Variants in SLC15A5 observed in about 807,000 individuals in gnomAD.
SLC15A5 encodes Peptide/histidine transporter ENSP00000340402.
Under a neutral mutation model 56.1 loss-of-function variants are expected in SLC15A5, and 58 were observed. That is an observed-to-expected ratio of 1.03 (90% CI 0.84 to 1.29). The LOEUF (loss-of-function observed/expected upper bound fraction) is 1.29. SLC15A5 is among the 50% of genes most tolerant of loss of function. The pLI is 0.00. For synonymous variants in SLC15A5, 264 were observed against 250.5 expected, an observed-to-expected ratio of 1.05 and a Z score of -0.51; for missense variants, 681 against 672.1, an observed-to-expected ratio of 1.01 and a Z score of -0.15.
rs111967344 is a variant in SLC15A5, at chr12:16,189,688, G to A, written c.1720C>T (p.Leu574Phe). The A allele has an allele frequency of 0.015, 22,296 of 1,522,410 alleles. 354 individuals carry two copies. Among genetic ancestry groups the A allele is most frequent in the South Asian group, 0.061 (4,911 of 80,828 alleles). 94.3% of individuals were successfully genotyped at this position (1,522,410 alleles called of 1,614,324 possible). The stretch of plus-strand genomic sequence containing the variant: ...CAGTTTCATAGGGCTGTCTCCCAAA[G>A]ATCAATACTTGAAGAAAATTCCTGT... ...SIQEFSSSID[L>F]WETAL Residue 574 changes from leucine to phenylalanine, a missense_variant, in exon 9 of 9, where the codon CTT becomes TTT. Transcript: ENST00000344941.
At chr12:16,255,364 A>G (rs1864560905) in intron 3 of SLC15A5, among the ~76,000 whole-genome samples, 1 of 152,136 alleles carries the variant, frequency 6.6e-6, no homozygotes, top group Non-Finnish European at 1.5e-5. Context: ...TCTCAAAATA[A>G]GAAAAATGCA....
intron 4 of SLC15A5, among the ~76,000 whole-genome samples, chr12:16,244,044 C>G (rs1447110581): frequency 6.6e-6 from 1 of 152,100 alleles, no homozygotes; most frequent in African/African-American, 2.4e-5. Context: ...GTACTTTGGG[C>G]TTTGTATTTT....
intron 7 of SLC15A5, among the ~76,000 whole-genome samples, chr12:16,209,117 CA>C (rs1222646941): frequency 6.6e-6 from 1 of 150,958 alleles, no homozygotes; most frequent in Admixed American, 6.6e-5. Flanking sequence ...TATCAGTGAT[CA>C]TAGTGTTGCT....
chr12:16,207,757 G>A (rs555156171), intron 7 of SLC15A5, among the ~76,000 whole-genome samples: 53 of 151,912 alleles, frequency 3.5e-4, no homozygotes, highest in African/African-American at 1.2e-3. Context: ...GGGTTCAAGC[G>A]ATTCTTCTGT....
chr12:16,209,640 C>G (rs575560692), intron 7 of SLC15A5, among the ~76,000 whole-genome samples: 92 of 152,186 alleles, frequency 6.0e-4, no homozygotes, highest in African/African-American at 2.1e-3. Context: ...CTTTGCCCAC[C>G]CAGTAGCTCA....
At chr12:16,276,345 T>C (rs904344272) in intron 1 of SLC15A5, among the ~76,000 whole-genome samples, 12 of 152,088 alleles carry the variant, frequency 7.9e-5, no homozygotes, top group African/African-American at 2.7e-4. Flanking sequence ...TCATTTCAGC[T>C]GCACTTCTCA....
Position 16,277,461 on chromosome 12 carries a change from G to C in SLC15A5, c.225C>G (p.His75Gln), listed in dbSNP as rs1346224061. 1 of 1,536,552 alleles carries C rather than the reference G, an allele frequency of 6.5e-7. No homozygotes were observed. The highest frequency in any genetic ancestry group is 1.2e-5 in the South Asian group (1 of 84,052). Residue 75 changes from histidine (H) to glutamine (Q), a missense_variant, in exon 1 of 9, where the codon CAC (histidine) becomes CAG (glutamine). Coordinates refer to ENST00000344941, the MANE Select transcript of SLC15A5 (RefSeq NM_001170798.1). Reference protein sequence around the residue: ...IPFCTIKLGYHNCQAAILNLC... With the variant: ...IPFCTIKLGYQNCQAAILNLC... ...AGTTTAAGATGGCTGCTTGGCAATT[G>C]TGATAGCCAAGCTTGATAGTGCAAA...
rs1864334585 is a variant in SLC15A5 at position 16,235,084 on chromosome 12, C to T, written c.1162+4597G>A. ...TCATTCAGTGTTCATGAACTACTCT[C>T]ATAAAGACAGCTATAATTTTATTGT... is the stretch of plus-strand genomic sequence containing the variant. On this transcript the variant is annotated intron_variant, in intron 5 of 8. Coordinates refer to ENST00000344941, the MANE Select transcript of SLC15A5 (RefSeq NM_001170798.1). This position sits in a 1 kb window ranked among gnomAD's most constrained non-coding sequence, Gnocchi z 4.1. Among the ~76,000 whole-genome samples, 2 of 151,876 alleles carry T rather than the reference C, an allele frequency of 1.3e-5. No individual in the cohort carries two copies. The highest frequency in any genetic ancestry group is 4.8e-5 in the African/African-American group (2 of 41,364).
At chr12:16,226,279 A>C (rs1197331712) in intron 5 of SLC15A5, among the ~76,000 whole-genome samples, 1 of 152,204 alleles carries the variant, frequency 6.6e-6, no homozygotes, top group Non-Finnish European at 1.5e-5. Flanking sequence ...CAAGAAAAAA[A>C]GTCTGTACAT....
intron 1 of SLC15A5, among the ~76,000 whole-genome samples, chr12:16,274,371 T>C (rs182016441): frequency 1.4e-3 from 211 of 152,242 alleles, no homozygotes; most frequent in African/African-American, 4.8e-3. Flanking sequence ...AAATGGCTCC[T>C]CCATGTTCGT....
At chr12:16,197,454 A>G (rs1021785785) in intron 7 of SLC15A5, among the ~76,000 whole-genome samples, 2 of 151,024 alleles carry the variant, frequency 1.3e-5, no homozygotes, top group African/African-American at 4.9e-5. Context: ...GGCTTTAGTC[A>G]GGTAGACTTT....
intron 8 of SLC15A5, among the ~76,000 whole-genome samples, chr12:16,190,917 G>A (rs1368022646): frequency 6.6e-6 from 1 of 152,070 alleles, no homozygotes; most frequent in African/African-American, 2.4e-5. Flanking sequence ...ACACTGGAAG[G>A]ACAGTGGTGT....
chr12:16,269,384 C>T lies in SLC15A5; in HGVS notation c.584+3177G>A, dbSNP rs1012234447. 9.2e-5 allele frequency among the ~76,000 whole-genome samples: 14 copies of T among 152,148 alleles called. No homozygotes were observed. The highest frequency in any genetic ancestry group is 3.4e-4 in the African/African-American group (14 of 41,438). ...AAAAATCCTGGTCCCTGGATCCTAC[C>T]TCTAACCAATGTAATCAGAATCTTT... On this transcript the variant is annotated intron_variant, in intron 2 of 8. Transcript: ENST00000344941. The surrounding 1 kb of genome is among the most constrained non-coding windows in gnomAD (Gnocchi z 4.7).
At chr12:16,229,139 T>C (rs1296777960) in intron 5 of SLC15A5, among the ~76,000 whole-genome samples, 1 of 152,230 alleles carries the variant, frequency 6.6e-6, no homozygotes, top group Admixed American at 6.5e-5. Flanking sequence ...AGCAGCCAGA[T>C]TGAGCTTATG....
chr12:16,265,401 T>A (rs1019903772), intron 2 of SLC15A5, among the ~76,000 whole-genome samples: 4 of 152,224 alleles, frequency 2.6e-5, no homozygotes, highest in Non-Finnish European at 5.9e-5. Context: ...GCTTGCCCTG[T>A]CTCACTTTCA....
intron 2 of SLC15A5, among the ~76,000 whole-genome samples, chr12:16,270,529 C>G (rs1864741625): frequency 6.6e-6 from 1 of 152,120 alleles, no homozygotes; most frequent in African/African-American, 2.4e-5. Flanking sequence ...ATGGTTTCAG[C>G]TGATGGCTTA....
Position 16,269,849 on chromosome 12 carries a change from T to A in SLC15A5, c.584+2712A>T, listed in dbSNP as rs1158190072. On this transcript the variant is annotated intron_variant, in intron 2 of 8. Transcript: ENST00000344941. The surrounding 1 kb of genome is among the most constrained non-coding windows in gnomAD (Gnocchi z 4.7). The stretch of plus-strand genomic sequence containing the variant: ...TGCAGAAGCAAGATTTGAGGTTAAT[T>A]GTGGTAGAATTTAAAATTGTGGCCA... Among the ~76,000 whole-genome samples, 1 of 152,146 alleles carries A rather than the reference T, an allele frequency of 6.6e-6. No individual in the cohort carries two copies. The highest frequency in any genetic ancestry group is 6.6e-5 in the Admixed American group (1 of 15,262).
At chr12:16,240,373 G>A (rs1864401225) in intron 4 of SLC15A5, among the ~76,000 whole-genome samples, 5 of 152,106 alleles carry the variant, frequency 3.3e-5, no homozygotes, top group Admixed American at 3.3e-4. Context: ...ATGTGGACAC[G>A]TGTTAATTGC....
intron 5 of SLC15A5, among the ~76,000 whole-genome samples, chr12:16,234,293 AT>A (rs1346713627): frequency 1.3e-5 from 2 of 152,158 alleles, no homozygotes; most frequent in African/African-American, 4.8e-5. Context: ...CTGGGGATAA[AT>A]TTCAACATGA....
Sources: allele counts gnomAD v4.1 joint callset (sites outside exome capture counted in the v4.1 genomes callset), GRCh38; gene constraint gnomAD v4.1.1; non-coding constraint Gnocchi (gnomAD v3.1); transcripts MANE v1.5; gene names NCBI Gene and HGNC (gene_info 2026-07-23, HGNC 2026-07-21).